TRAPPC6B: variants seen among roughly 807,000 people sequenced by gnomAD.
TRAPPC6B encodes TRAPP complex subunit 6B.
A neutral mutation model predicts 24.7 loss-of-function variants in TRAPPC6B; 27 were observed. The ratio of observed to expected loss-of-function variants is 1.09; its 90% confidence interval spans 0.81 to 1.51. The LOEUF (loss-of-function observed/expected upper bound fraction) is 1.51. Among genes scored for constraint, TRAPPC6B ranks in the 40% most tolerant of loss-of-function variants. The pLI is 0.00. For synonymous variants in TRAPPC6B, 80 were observed against 66.6 expected (o/e 1.20, Z -0.98); for missense variants, 212 against 190.8 (o/e 1.11, Z -0.66).
Position 39,150,226 on chromosome 14 carries a change from A to T in TRAPPC6B, c.*124T>A. ...ATCTCCTTTGATCTGTGTTAAATTG[A>T]TAAAAATACATGCTTACTCCTGTAC... is the stretch of plus-strand genomic sequence containing the variant. On this transcript the variant is annotated 3_prime_UTR_variant, in exon 6 of 6. Coordinates refer to ENST00000330149, the MANE Select transcript of TRAPPC6B (RefSeq NM_001079537.2). 1.2e-6 allele frequency: 1 copy of T among 828,648 alleles called. No individual in the cohort carries two copies. Among genetic ancestry groups the T allele is most frequent in the Middle Eastern group, 2.5e-4 (1 of 3,950 alleles). 51.3% of individuals were successfully genotyped at this position (828,648 alleles called of 1,614,324 possible).
chr14:39,149,728 A>T lies in TRAPPC6B; in HGVS notation c.*622T>A, dbSNP rs1214695482. ...TTGGCCCTAGAGTCACTGAATTCAC[A>T]TTTAAACTAATCTATATTTCATTTT... On this transcript the variant is annotated 3_prime_UTR_variant, in exon 6 of 6. Coordinates refer to ENST00000330149, the MANE Select transcript of TRAPPC6B (RefSeq NM_001079537.2). 6.6e-6 allele frequency: 1 copy of T among 152,178 alleles called. No individual in the cohort carries two copies. The highest frequency in any genetic ancestry group is 1.5e-5 in the Non-Finnish European group (1 of 68,030). 9.4% of individuals were successfully genotyped at this position (152,178 alleles called of 1,614,324 possible).
chr14:39,158,392 C>A lies in TRAPPC6B; in HGVS notation c.160G>T (p.Asp54Tyr), dbSNP rs757748410. The change falls in exon 3 of 6, where the codon GAT becomes TAT. Residue 54 changes from aspartate (D) to tyrosine (Y), a missense_variant. Coordinates refer to ENST00000330149, the MANE Select transcript of TRAPPC6B (RefSeq NM_001079537.2). ...GQGLIERFTKDTARFKDELDI... is the reference protein window; with the variant it reads ...GQGLIERFTKYTARFKDELDI... ...AACTCATCCTTGAACCTTGCAGTAT[C>A]TTTTGTAAACCTAAAAAGATCAACT... is the stretch of plus-strand genomic sequence containing the variant. 3 of 1,576,326 alleles carry A rather than the reference C, an allele frequency of 1.9e-6. No individual in the cohort carries two copies. In the East Asian group the frequency reaches 6.8e-5, roughly 36 times the overall value.
In TRAPPC6B at chr14:39,170,115, G is replaced by A. The variant is rs2053153549; in HGVS notation, c.-20C>T. ...CGCCATTTCCTGCTAATTCTTCCAAGCTTCGAGTTTTGGCTCCCGTTTGAG... is the reference window on the plus strand; with the variant it reads ...CGCCATTTCCTGCTAATTCTTCCAAACTTCGAGTTTTGGCTCCCGTTTGAG... On this transcript the variant is annotated 5_prime_UTR_variant, in exon 1 of 6. Transcript: ENST00000330149. The A allele has an allele frequency of 6.2e-7, 1 of 1,613,664 alleles. No homozygotes were observed. The highest frequency in any genetic ancestry group is 1.7e-5 in the Admixed American group (1 of 59,944).
rs1304406462 is a variant in TRAPPC6B at position 39,148,759 on chromosome 14, G to T, written c.*1591C>A. 2.5e-5 allele frequency: 10 copies of T among 398,318 alleles called. No individual in the cohort carries two copies. The highest frequency in any genetic ancestry group is 4.0e-5 in the Non-Finnish European group (9 of 225,986). The allele number at this position is 398,318 out of a possible 1,614,324, so 24.7% of individuals were successfully genotyped here. ...ATGTGAGAATTAGGATTGCAGTCATGCATTGCTTAGCAAAGGGGATACATT... is the reference window on the plus strand; with the variant it reads ...ATGTGAGAATTAGGATTGCAGTCATTCATTGCTTAGCAAAGGGGATACATT... On this transcript the variant is annotated 3_prime_UTR_variant, in exon 6 of 6. Coordinates refer to ENST00000330149, the MANE Select transcript of TRAPPC6B (RefSeq NM_001079537.2).
chr14:39,158,266 CCTTA>C lies in TRAPPC6B; in HGVS notation c.267+15_267+18del, dbSNP rs767218691. 2.3e-6 allele frequency: 3 copies of C among 1,295,874 alleles called. No homozygotes were observed. The highest frequency in any genetic ancestry group is 3.3e-6 in the Non-Finnish European group (3 of 917,838). 80.3% of individuals were successfully genotyped at this position (1,295,874 alleles called of 1,614,324 possible). On this transcript the variant is annotated intron_variant, in intron 3 of 5. Coordinates refer to ENST00000330149, the MANE Select transcript of TRAPPC6B (RefSeq NM_001079537.2). ...AAGTTAAAGGACTTTAAAATATAGG[CCTTA>C]ATTAATTTAATTACCTGATGATTTG...
chr14:39,148,981 A>T lies in TRAPPC6B; in HGVS notation c.*1369T>A, dbSNP rs2052886190. 4 of 380,496 alleles carry T rather than the reference A, an allele frequency of 1.1e-5. No individual in the cohort carries two copies. Among genetic ancestry groups the T allele is most frequent in the Non-Finnish European group, 1.9e-5 (4 of 215,278 alleles). 23.6% of individuals were successfully genotyped at this position (380,496 alleles called of 1,614,324 possible). Reference sequence around the variant, plus strand: ...ATGGTAAGTACTTGCATATCTAAACATAAAGAAGGTACAGTAAAAATACAG... The same window carrying T: ...ATGGTAAGTACTTGCATATCTAAACTTAAAGAAGGTACAGTAAAAATACAG... On this transcript the variant is annotated 3_prime_UTR_variant, in exon 6 of 6. Transcript: ENST00000330149.
At chr14:39,157,344 G>A in intron 3 of TRAPPC6B, 1 of 345,168 alleles carries the variant, frequency 2.9e-6, no homozygotes, top group Non-Finnish European at 5.6e-6. Context: ...CTACTTAGCT[G>A]CTTAAGCTGG....
intron 1 of TRAPPC6B, among the ~76,000 whole-genome samples, chr14:39,168,351 A>G (rs1465780880): frequency 2.6e-5 from 4 of 152,152 alleles, no homozygotes; most frequent in Admixed American, 6.5e-5. Flanking sequence ...TAACTGTTCT[A>G]GAGGGAAAAG....
chr14:39,166,916 G>C (rs902113654), intron 1 of TRAPPC6B, among the ~76,000 whole-genome samples: 6 of 152,114 alleles, frequency 3.9e-5, no homozygotes, highest in Admixed American at 3.3e-4. Context: ...GTTTGGGGAG[G>C]CTGATTTGAG....
At chr14:39,166,002 C>T (rs1019424222) in intron 1 of TRAPPC6B, among the ~76,000 whole-genome samples, 1 of 152,160 alleles carries the variant, frequency 6.6e-6, no homozygotes. Context: ...CGGAGTTTCA[C>T]CATGTTGGCC....
At chr14:39,151,620 T>C (rs989805492) in intron 5 of TRAPPC6B, 126 bp downstream of exon 5, 2 of 670,082 alleles carry the variant, frequency 3.0e-6, no homozygotes, top group African/African-American at 1.9e-5. Flanking sequence ...TACACTAAAG[T>C]GTTACATTGA....
In TRAPPC6B at chr14:39,170,311, A is replaced by C; in HGVS notation, c.-216T>G. The C allele has an allele frequency of 3.6e-6, 2 of 558,832 alleles. No homozygotes were observed. The highest frequency in any genetic ancestry group is 3.5e-5 in the Admixed American group (1 of 28,586). The allele number at this position is 558,832 out of a possible 1,614,324, so 34.6% of individuals were successfully genotyped here. ...AGAGCCCACACTTCGGGGCTACCAA[A>C]TCCTAGGGCCGAACTAAAGTCTGAC... On this transcript the variant is annotated 5_prime_UTR_variant, in exon 1 of 6. Coordinates refer to ENST00000330149, the MANE Select transcript of TRAPPC6B (RefSeq NM_001079537.2).
intron 4 of TRAPPC6B, among the ~76,000 whole-genome samples, chr14:39,153,301 T>G (rs2052936513): frequency 6.7e-6 from 1 of 150,188 alleles, no homozygotes; most frequent in Admixed American, 6.6e-5. Flanking sequence ...CATAAAAATG[T>G]AATTAGAGCC....
In TRAPPC6B at chr14:39,170,289, G is replaced by GC. The variant is rs1306082923; in HGVS notation, c.-195dup. On this transcript the variant is annotated 5_prime_UTR_variant, in exon 1 of 6. Transcript: ENST00000330149. ...TGAAATGAGTCTGGTACTGGAGAGA[G>GC]CCCACACTTCGGGGCTACCAAATCC... 1.7e-6 allele frequency: 1 copy of GC among 581,220 alleles called. No homozygotes were observed. Among genetic ancestry groups the GC allele is most frequent in the African/African-American group, 1.9e-5 (1 of 52,764 alleles). The allele number at this position is 581,220 out of a possible 1,614,324, so 36.0% of individuals were successfully genotyped here. A position where few individuals can be genotyped will look rare whatever the true frequency, so the allele number is the denominator to read the frequency against.
At position 39,158,357 on chromosome 14, in the gene TRAPPC6B, C is replaced by A; in HGVS notation, c.195G>T (p.Met65Ile). The part of the protein sequence containing the change: ...TARFKDELDI[M>I]KFICKDFWTT... The stretch of plus-strand genomic sequence containing the variant: ...TCCAAAAATCTTTACAAATGAACTT[C>A]ATGATATCTAACTCATCCTTGAACC... The change falls in exon 3 of 6, where the codon ATG becomes ATT. Residue 65 changes from methionine to isoleucine, a missense_variant. By Grantham distance (10) the Met-to-Ile change is conservative (BLOSUM62 1). Transcript: ENST00000330149. 6.2e-7 allele frequency: 1 copy of A among 1,605,420 alleles called. No individual in the cohort carries two copies. Among genetic ancestry groups the A allele is most frequent in the Non-Finnish European group, 8.5e-7 (1 of 1,177,904 alleles).
Position 39,148,823 on chromosome 14 carries a change from A to G in TRAPPC6B, c.*1527T>C, listed in dbSNP as rs999690085. 69 of 398,132 alleles carry G rather than the reference A, an allele frequency of 1.7e-4. No individual in the cohort carries two copies. Among genetic ancestry groups the G allele is most frequent in the Admixed American group, 6.2e-4 (14 of 22,708 alleles). 24.7% of individuals were successfully genotyped at this position (398,132 alleles called of 1,614,324 possible). On this transcript the variant is annotated 3_prime_UTR_variant, in exon 6 of 6. Coordinates refer to ENST00000330149, the MANE Select transcript of TRAPPC6B (RefSeq NM_001079537.2). Reference sequence around the variant, plus strand: ...CATCATTAGGAGATTTTAAAATTGTACAATCACAGAGTGTACTTACACAAA... The same window carrying G: ...CATCATTAGGAGATTTTAAAATTGTGCAATCACAGAGTGTACTTACACAAA...
Position 39,159,503 on chromosome 14 carries a change from C to T in TRAPPC6B, c.129G>A (p.Val43=), listed in dbSNP as rs754691322. ...CTCACCTTTCTATCAATCCTTGTCC[C>T]ACTCGAAACCCCATGTTTTCCAGCT... ...ITKLENMGFR[V]GQGLIERFTK... is the part of the protein sequence containing the mutation. The change falls in exon 2 of 6, where the codon GTG becomes GTA. Residue 43 remains valine (V), a synonymous_variant. Coordinates refer to ENST00000330149, the MANE Select transcript of TRAPPC6B (RefSeq NM_001079537.2). The T allele has an allele frequency of 1.7e-5, 27 of 1,604,890 alleles. No individual in the cohort carries two copies. Among genetic ancestry groups the T allele is most frequent in the Non-Finnish European group, 2.2e-5 (26 of 1,175,266 alleles).
intron 3 of TRAPPC6B, among the ~76,000 whole-genome samples, chr14:39,156,126 G>A (rs560809497): frequency 2.0e-5 from 3 of 152,080 alleles, no homozygotes; most frequent in Non-Finnish European, 4.4e-5. Flanking sequence ...TGTCTAGAGA[G>A]TAAAAAAATC....
intron 1 of TRAPPC6B, among the ~76,000 whole-genome samples, chr14:39,168,092 T>C (rs1409847717): frequency 6.6e-6 from 1 of 151,942 alleles, no homozygotes; most frequent in Non-Finnish European, 1.5e-5. Context: ...GGCCGGCACC[T>C]GTAATTCCAG....
Sources: allele counts gnomAD v4.1 joint callset (sites outside exome capture counted in the v4.1 genomes callset), GRCh38; gene constraint gnomAD v4.1.1; transcripts MANE v1.5; gene names NCBI Gene and HGNC (gene_info 2026-07-23, HGNC 2026-07-21).